Variants in MCTP1 observed in about 807,000 individuals in gnomAD.
MCTP1 encodes multiple C2 and transmembrane domain-containing protein 1.
In MCTP1, 69 loss-of-function variants were observed where a neutral mutation model predicts 120.6. The observed-to-expected ratio is 0.57, with a 90% CI of 0.47 to 0.70. The LOEUF (loss-of-function observed/expected upper bound fraction) is 0.70. Among genes scored for constraint, MCTP1 ranks in the 30% least tolerant of loss-of-function variants. MCTP1 has a pLI of 0.00. For synonymous variants in MCTP1, 529 were observed against 493.1 expected, an observed-to-expected ratio of 1.07 and a Z score of -0.96; for missense variants, 1,203 against 1,248.8, an observed-to-expected ratio of 0.96 and a Z score of 0.55.
intron 17 of MCTP1, among the ~76,000 whole-genome samples, chr5:94,851,779 G>A (rs1358672116): frequency 1.3e-5 from 2 of 151,916 alleles, no homozygotes; most frequent in Non-Finnish European, 2.9e-5. Flanking sequence ...ACTGTACATT[G>A]TTCAGCATTT....
At chr5:95,161,272 G>A (rs1745710257) in intron 1 of MCTP1, among the ~76,000 whole-genome samples, 1 of 152,128 alleles carries the variant, frequency 6.6e-6, no homozygotes, top group South Asian at 2.1e-4. Flanking sequence ...CATAAAGGGG[G>A]GAAATCCTGT....
chr5:95,069,399 C>T (rs534180671), intron 1 of MCTP1, among the ~76,000 whole-genome samples: 2 of 151,562 alleles, frequency 1.3e-5, no homozygotes, highest in Non-Finnish European at 2.9e-5. Flanking sequence ...AAAGTAACTG[C>T]TTACAAGCAC....
Position 95,186,698 on chromosome 5 carries a change from T to C in MCTP1, c.720+97158A>G, listed in dbSNP as rs555964560. 3.9e-5 allele frequency among the ~76,000 whole-genome samples: 6 copies of C among 152,184 alleles called. No individual in the cohort carries two copies. In the East Asian group the frequency reaches 1.2e-3, roughly 29 times the overall value. ...AGCCCTATAATAGCTAAAAGAAAGT[T>C]GATAAAGAAGAATAAAGTAGGTACA... On this transcript the variant is annotated intron_variant, in intron 1 of 22. Transcript: ENST00000515393.
chr5:95,130,224 A>G (rs1178694010), intron 1 of MCTP1, among the ~76,000 whole-genome samples: 1 of 152,194 alleles, frequency 6.6e-6, no homozygotes, highest in Non-Finnish European at 1.5e-5. Context: ...CTATCTATGT[A>G]AATCCTATTG....
intron 1 of MCTP1, among the ~76,000 whole-genome samples, chr5:95,017,798 CT>C (rs976643250): frequency 6.6e-6 from 1 of 152,066 alleles, no homozygotes; most frequent in Non-Finnish European, 1.5e-5. Context: ...CATAGAAATA[CT>C]GTCTGAAGTG....
chr5:94,880,932 A>G (rs990818264), intron 12 of MCTP1, among the ~76,000 whole-genome samples: 4 of 152,140 alleles, frequency 2.6e-5, no homozygotes, highest in African/African-American at 9.7e-5. Context: ...CATCTATCAC[A>G]TAGGGAATAT....
chr5:95,058,444 G>A (rs1747998991), intron 1 of MCTP1, among the ~76,000 whole-genome samples: 1 of 152,144 alleles, frequency 6.6e-6, no homozygotes, highest in East Asian at 1.9e-4. Flanking sequence ...TTCCAGTCCT[G>A]GGTCTGTACC....
chr5:94,781,898 G>T (rs1206401217), intron 18 of MCTP1, among the ~76,000 whole-genome samples: 1 of 152,144 alleles, frequency 6.6e-6, no homozygotes, highest in African/African-American at 2.4e-5. Context: ...CCTTTTTGCT[G>T]TGTTTTAGCG....
chr5:95,209,894 A>G (rs1047903970), intron 1 of MCTP1, among the ~76,000 whole-genome samples: 1 of 152,190 alleles, frequency 6.6e-6, no homozygotes, highest in Admixed American at 6.5e-5. Context: ...TTGGTTTCAA[A>G]GAACAACTTT....
intron 2 of MCTP1, 120 bp from the exon 3 acceptor site, chr5:94,953,481 C>T: frequency 1.5e-6 from 1 of 682,162 alleles, no homozygotes; most frequent in Non-Finnish European, 2.2e-6. Context: ...ATTATCTATG[C>T]AGAAATAAGA....
intron 1 of MCTP1, among the ~76,000 whole-genome samples, chr5:95,205,175 T>C (rs1751484981): frequency 6.6e-6 from 1 of 152,254 alleles, no homozygotes; most frequent in African/African-American, 2.4e-5. Flanking sequence ...TGAGAGTCCA[T>C]GAGTAAAGCC....
chr5:95,068,877 A>G (rs1751373945), intron 1 of MCTP1: 1 of 1,069,942 alleles, frequency 9.3e-7, no homozygotes, highest in Non-Finnish European at 1.2e-6. Context: ...ACCTAGGGAC[A>G]TTATTTAATA....
chr5:95,230,803 G>T (rs1337807006), intron 1 of MCTP1, among the ~76,000 whole-genome samples: 1 of 152,154 alleles, frequency 6.6e-6, no homozygotes, highest in Non-Finnish European at 1.5e-5. Context: ...GACGTGAATT[G>T]ACACTGACAG....
chr5:94,837,943 T>C (rs1349403893), intron 17 of MCTP1, among the ~76,000 whole-genome samples: 1 of 152,196 alleles, frequency 6.6e-6, no homozygotes, highest in Admixed American at 6.5e-5. Context: ...GGCAATGATA[T>C]TTAGACATTA....
chr5:94,713,013 A>G (rs1174972320), intron 20 of MCTP1, among the ~76,000 whole-genome samples: 5 of 152,074 alleles, frequency 3.3e-5, no homozygotes, highest in Non-Finnish European at 5.9e-5. Context: ...GCCCTTTTCT[A>G]TTTCTACACT....
chr5:94,708,141 A>G (rs1264030914), intron 22 of MCTP1: 1 of 160,252 alleles, frequency 6.2e-6, no homozygotes, highest in Non-Finnish European at 1.4e-5. Context: ...AACTCTTGCA[A>G]ATTCTGGAAA....
At chr5:94,763,378 C>T (rs1006757817) in intron 19 of MCTP1, among the ~76,000 whole-genome samples, 4 of 152,186 alleles carry the variant, frequency 2.6e-5, no homozygotes, top group African/African-American at 9.7e-5. Context: ...TCCCTCGACT[C>T]TCCCTCCTGC....
chr5:94,903,798 G>A (rs377476251), intron 10 of MCTP1, among the ~76,000 whole-genome samples: 1 of 152,276 alleles, frequency 6.6e-6, no homozygotes, highest in South Asian at 2.1e-4. Flanking sequence ...AAATAATGCT[G>A]TAAATCTTGC....
intron 18 of MCTP1, chr5:94,788,804 T>A (rs1208748008): frequency 1.3e-5 from 2 of 152,148 alleles, no homozygotes; most frequent in Non-Finnish European, 2.9e-5. Context: ...ATTGTGGGTA[T>A]CCTTTTTTCC....
Sources: gnomAD v4.1 joint callset for allele counts (sites outside exome capture counted in the v4.1 genomes callset) on GRCh38, gnomAD v4.1.1 for gene constraint, MANE v1.5 for transcripts, NCBI Gene and HGNC (gene_info 2026-07-23, HGNC 2026-07-21) for gene names.